Variants in TOPAZ1 observed in about 807,000 individuals in gnomAD.
TOPAZ1 encodes the protein protein TOPAZ1.
Under a neutral mutation model 172.2 loss-of-function variants are expected in TOPAZ1, and 66 were observed. The observed-to-expected ratio is 0.38, with a 90% CI of 0.31 to 0.47. The LOEUF (loss-of-function observed/expected upper bound fraction) is 0.47, where lower values mean the gene tolerates loss of function less well. Ranked by LOEUF, TOPAZ1 falls within the 20% of genes least tolerant of loss-of-function variation. The pLI is 0.99. For missense variants in TOPAZ1, 1,822 were observed against 1,972.4 expected, an observed-to-expected ratio of 0.92 and a Z score of 1.44; for synonymous variants, 681 against 683.9, an observed-to-expected ratio of 1.00 and a Z score of 0.07.
chr3:44,285,617 T>C (rs1407450748), intron 9 of TOPAZ1, among the ~76,000 whole-genome samples: 1 of 151,816 alleles, frequency 6.6e-6, no homozygotes, highest in African/African-American at 2.4e-5. Context: ...TCGCCCAGGC[T>C]GGAGTGCAGT....
intron 2 of TOPAZ1, among the ~76,000 whole-genome samples, chr3:44,253,946 A>G (rs1575706428): frequency 1.3e-5 from 2 of 152,246 alleles, no homozygotes; most frequent in South Asian, 4.1e-4. Flanking sequence ...GTACTTTGAT[A>G]TGTTTTAAAT....
chr3:44,307,026 G>C (rs1456685957), intron 15 of TOPAZ1, among the ~76,000 whole-genome samples: 1 of 151,748 alleles, frequency 6.6e-6, no homozygotes, highest in Non-Finnish European at 1.5e-5. Context: ...GGGTTTTTTT[G>C]TTTGTTTGTT....
In TOPAZ1 at chr3:44,242,306, C is replaced by T. The variant is rs745419499; in HGVS notation, c.253C>T (p.Arg85Cys). The T allele has an allele frequency of 4.5e-6, 7 of 1,551,674 alleles. No individual in the cohort carries two copies. Among genetic ancestry groups the T allele is most frequent in the Admixed American group, 3.9e-5 (2 of 50,874 alleles). ...GKAARRQVEG[R>C]RGPVSPSDSS... ...GGCCGCAAGGCGTCAGGTGGAGGGG[C>T]GCAGGGGCCCGGTGAGCCCGTCAGA... The change falls in exon 1 of 20, where the codon CGC becomes TGC. Residue 85 changes from arginine to cysteine, a missense_variant. Arg to Cys is a radical substitution (Grantham distance 180). Around this residue, in one of 2 missense-constraint regions of TOPAZ1, gnomAD observed 1,489 missense variants for 1,490.8 expected, o/e 1.00. Transcript: ENST00000309765.
intron 9 of TOPAZ1, among the ~76,000 whole-genome samples, chr3:44,286,743 A>G (rs561283507): frequency 1.9e-3 from 295 of 152,310 alleles, no homozygotes; most frequent in African/African-American, 6.6e-3. Context: ...AAAATGATCA[A>G]TGAAAGAATC....
intron 8 of TOPAZ1, among the ~76,000 whole-genome samples, chr3:44,274,864 A>G (rs888473938): frequency 3.3e-5 from 5 of 150,830 alleles, no homozygotes; most frequent in Non-Finnish European, 5.9e-5. Context: ...TAATTCTTTT[A>G]AGTGAGAGAT....
intron 8 of TOPAZ1, among the ~76,000 whole-genome samples, chr3:44,277,597 A>G (rs1395201069): frequency 1.3e-5 from 2 of 152,176 alleles, no homozygotes; most frequent in East Asian, 3.9e-4. Flanking sequence ...GGTTTGCCTT[A>G]TATGGCTGAT....
At position 44,328,115 on chromosome 3, in the gene TOPAZ1, T is replaced by A. The variant is rs191529809; in HGVS notation, c.4676-135T>A. Reference sequence around the variant, plus strand: ...ATGCCAAATATACTAGGATAAGCTATCATGTAATTTGTTAATCTACTTCTA... The same window carrying A: ...ATGCCAAATATACTAGGATAAGCTAACATGTAATTTGTTAATCTACTTCTA... On this transcript the variant is annotated intron_variant, in intron 18 of 19. Coordinates refer to ENST00000309765, the MANE Select transcript of TOPAZ1 (RefSeq NM_001145030.2). The A allele has an allele frequency of 1.3e-3, 717 of 538,278 alleles. 7 individuals are homozygous for A. Among genetic ancestry groups the A allele is most frequent in the African/African-American group, 0.013 (627 of 49,938 alleles). The allele number at this position is 538,278 out of a possible 1,614,324, so 33.3% of individuals were successfully genotyped here.
At chr3:44,299,249 C>CA (rs1700241027) in intron 12 of TOPAZ1, among the ~76,000 whole-genome samples, 1 of 151,744 alleles carries the variant, frequency 6.6e-6, no homozygotes, top group South Asian at 2.1e-4. Context: ...TCTCAAAATT[C>CA]AATAGTAAAC....
chr3:44,333,128 C>A (rs996942833), downstream of TOPAZ1, among the ~76,000 whole-genome samples: 2 of 151,718 alleles, frequency 1.3e-5, no homozygotes, highest in Non-Finnish European at 2.9e-5. Flanking sequence ...CCAGCTGGAC[C>A]AAAAGTATTT....
intron 8 of TOPAZ1, among the ~76,000 whole-genome samples, chr3:44,279,387 A>G (rs1049057778): frequency 2.6e-5 from 4 of 152,078 alleles, no homozygotes; most frequent in African/African-American, 9.7e-5. Flanking sequence ...TTCTGTCTAG[A>G]TGTTCTGTCT....
intron 18 of TOPAZ1, among the ~76,000 whole-genome samples, chr3:44,327,882 C>T (rs986152986): frequency 1.3e-5 from 2 of 151,918 alleles, no homozygotes; most frequent in Non-Finnish European, 2.9e-5. Flanking sequence ...GTTGCTGGGA[C>T]GACAGGCACC....
intron 16 of TOPAZ1, among the ~76,000 whole-genome samples, chr3:44,318,205 T>G (rs1029678479): frequency 6.6e-6 from 1 of 152,122 alleles, no homozygotes; most frequent in South Asian, 2.1e-4. Flanking sequence ...CCCAGCACTT[T>G]GGGAGGCCGA....
intron 4 of TOPAZ1, among the ~76,000 whole-genome samples, chr3:44,261,482 T>A (rs1489470712): frequency 6.6e-6 from 1 of 152,154 alleles, no homozygotes; most frequent in Admixed American, 6.5e-5. Context: ...GCAGCCTTAT[T>A]CCTGGGCTGT....
At chr3:44,255,670 TACAC>T (rs71085609) in intron 3 of TOPAZ1, among the ~76,000 whole-genome samples, 3,133 of 46,242 alleles carry the variant, frequency 0.068, 93 homozygotes, top group East Asian at 0.088. Context: ...AAAATATATA[TACAC>T]ACACACACAC....
chr3:44,267,958 T>C (rs1202765832), intron 6 of TOPAZ1, among the ~76,000 whole-genome samples: 1 of 152,248 alleles, frequency 6.6e-6, no homozygotes, highest in Non-Finnish European at 1.5e-5. Flanking sequence ...TGTGAAGTTA[T>C]GCAGCAAAAA....
chr3:44,323,048 C>T (rs757527152), intron 17 of TOPAZ1, 44 bp from the exon 18 acceptor site: 1 of 1,364,424 alleles, frequency 7.3e-7, no homozygotes, highest in Non-Finnish European at 9.9e-7. Flanking sequence ...GTTTGAGACA[C>T]TTTAATATAA....
At chr3:44,276,632 T>C (rs1699961839) in intron 8 of TOPAZ1, among the ~76,000 whole-genome samples, 1 of 112,970 alleles carries the variant, frequency 8.9e-6, no homozygotes. Flanking sequence ...TTCTTTTTTT[T>C]TTTTTTTTTT....
intron 6 of TOPAZ1, among the ~76,000 whole-genome samples, chr3:44,268,806 C>T (rs1235248017): frequency 6.6e-6 from 1 of 152,142 alleles, no homozygotes. Flanking sequence ...AGGGTTAGGG[C>T]TTCAACATGT....
chr3:44,324,428 T>C (rs1364571964), intron 18 of TOPAZ1, among the ~76,000 whole-genome samples: 1 of 152,014 alleles, frequency 6.6e-6, no homozygotes, highest in African/African-American at 2.4e-5. Flanking sequence ...TATATGTGTG[T>C]GTGTGATTTT....
Sources: gnomAD v4.1 joint callset for allele counts (sites outside exome capture counted in the v4.1 genomes callset) on GRCh38, gnomAD v4.1.1 for gene constraint, gnomAD v4.1.1 regional missense constraint, MANE v1.5 for transcripts, NCBI Gene and HGNC (gene_info 2026-07-23, HGNC 2026-07-21) for gene names.